The following NUP85 variants were observed in gnomAD, a reference collection of about 807,000 sequenced individuals.
NUP85 encodes the protein nucleoporin 85, also known as nuclear pore complex protein Nup85.
NUP85 carries 23 observed loss-of-function variants against 92.8 expected under a neutral mutation model. The observed-to-expected ratio is 0.25, with a 90% CI of 0.18 to 0.35. The LOEUF (loss-of-function observed/expected upper bound fraction) is 0.35, where lower values mean the gene tolerates loss of function less well. Among genes scored for constraint, NUP85 ranks in the 10% least tolerant of loss-of-function variants. The pLI is 1.00. For synonymous variants in NUP85, 314 were observed against 306.9 expected (o/e 1.02, Z -0.24); for missense variants, 759 against 822.8 (o/e 0.92, Z 0.95).
At chr17:75,229,275 G>A in intron 11 of NUP85, 1 of 551,908 alleles carries the variant, frequency 1.8e-6, no homozygotes, top group Non-Finnish European at 2.3e-6. Context: ...CCCATTTCCA[G>A]AATAGCAGGT....
chr17:75,225,350 C>CA lies in NUP85; in HGVS notation c.742dup (p.Thr248AsnfsTer19). ...GCTGGTCTCTCCCTTAGCCCGGGAA[C>CA]ACCCAGACACTGACAGAGCTGGAGC... On this transcript the variant is annotated frameshift_variant, in exon 9 of 19. Transcript: ENST00000245544. LOFTEE classifies it high-confidence loss of function. 1 of 1,614,224 alleles carries CA rather than the reference C, an allele frequency of 6.2e-7. No individual in the cohort carries two copies. The highest frequency in any genetic ancestry group is 8.5e-7 in the Non-Finnish European group (1 of 1,180,038).
At chr17:75,235,023 T>C in intron 17 of NUP85, 77 bp from the exon 18 acceptor site, 1 of 1,224,310 alleles carries the variant, frequency 8.2e-7, no homozygotes, top group East Asian at 2.3e-5. Flanking sequence ...AGGAAGAACG[T>C]CCGAACATGG....
rs2076090908 is a variant in NUP85 at position 75,232,228 on chromosome 17, C to A, written c.1396+249C>A. On this transcript the variant is annotated intron_variant, in intron 14 of 18. Transcript: ENST00000245544. ...GAAAGGCCTGAGCCGCCCCTTTTCT[C>A]ACACACTTGATTCCACGAGGTCAGG... 1.0e-5 allele frequency: 5 copies of A among 496,350 alleles called. No homozygotes were observed. The East Asian group carries it at 1.9e-4, about 19-fold the overall frequency. The allele number at this position is 496,350 out of a possible 1,614,324, so 30.7% of individuals were successfully genotyped here.
At chr17:75,217,065 A>T (rs1240305416) in intron 6 of NUP85, among the ~76,000 whole-genome samples, 1 of 150,890 alleles carries the variant, frequency 6.6e-6, no homozygotes, top group African/African-American at 2.4e-5. Context: ...TTTTGTGTGT[A>T]TATGCTGGGG....
intron 6 of NUP85, 103 bp downstream of exon 6, chr17:75,215,926 A>G (rs2075418041): frequency 2.9e-6 from 3 of 1,045,160 alleles, no homozygotes; most frequent in Admixed American, 2.0e-5. Flanking sequence ...TATTCCTGAG[A>G]ATGTTCTTTC....
Position 75,231,118 on chromosome 17 carries a change from G to A in NUP85, c.1095-222G>A, listed in dbSNP as rs926954555. 28 of 525,266 alleles carry A rather than the reference G, an allele frequency of 5.3e-5. No individual in the cohort carries two copies. Among genetic ancestry groups the A allele is most frequent in the Non-Finnish European group, 7.3e-5 (21 of 288,582 alleles). The allele number at this position is 525,266 out of a possible 1,614,324, so 32.5% of individuals were successfully genotyped here. A position where few individuals can be genotyped will look rare whatever the true frequency, so the allele number is the denominator to read the frequency against. On this transcript the variant is annotated intron_variant, in intron 11 of 18. Coordinates refer to ENST00000245544, the MANE Select transcript of NUP85 (RefSeq NM_024844.5). The surrounding 1 kb of genome is among the most constrained non-coding windows in gnomAD (Gnocchi z 4.6). The stretch of plus-strand genomic sequence containing the variant: ...GGCTAATTTTTGTATTTGTAGAGAT[G>A]GGGTTTTGCCATGTTGCCCAGGCTG...
chr17:75,225,641 T>G, intron 9 of NUP85, 57 bp from the exon 10 acceptor site: 1 of 1,605,572 alleles, frequency 6.2e-7, no homozygotes. Context: ...GCAGGAGCAT[T>G]ATGGAGAAGG....
intron 7 of NUP85, among the ~76,000 whole-genome samples, chr17:75,223,911 A>G (rs1409541087): frequency 6.6e-6 from 1 of 152,178 alleles, no homozygotes; most frequent in African/African-American, 2.4e-5. Flanking sequence ...TGACAGTTTC[A>G]GCTTGATGTG....
At chr17:75,228,891 G>T (rs1469356267) in intron 11 of NUP85, 3 of 985,308 alleles carry the variant, frequency 3.0e-6, no homozygotes, top group Non-Finnish European at 3.6e-6. Flanking sequence ...AAGGGCCAGG[G>T]GTTTGTCTCT....
chr17:75,217,856 T>C (rs139205478), intron 6 of NUP85, among the ~76,000 whole-genome samples: 30 of 152,278 alleles, frequency 2.0e-4, no homozygotes, highest in African/African-American at 7.2e-4. Flanking sequence ...TATCTAGTCA[T>C]TGTTGGTTCC....
At position 75,212,103 on chromosome 17, in the gene NUP85, TG is replaced by T. The variant is rs2075280794; in HGVS notation, c.361+42del. ...GCGTGCGCGCGTGTGTGTGTGTGTG[TG>T]TGTGTGGGTATTTTGAGTATTTATC... On this transcript the variant is annotated intron_variant, in intron 4 of 18. Coordinates refer to ENST00000245544, the MANE Select transcript of NUP85 (RefSeq NM_024844.5). The T allele has an allele frequency of 4.2e-6, 6 of 1,414,886 alleles. No homozygotes were observed. The Admixed American group carries it at 5.8e-5, about 14-fold the overall frequency. The allele number at this position is 1,414,886 out of a possible 1,614,324, so 87.6% of individuals were successfully genotyped here. A position where few individuals can be genotyped will look rare whatever the true frequency, so the allele number is the denominator to read the frequency against.
intron 18 of NUP85, 81 bp from the exon 19 acceptor site, chr17:75,235,497 C>A: frequency 2.0e-6 from 2 of 978,778 alleles, no homozygotes; most frequent in Non-Finnish European, 3.2e-6. Flanking sequence ...TGCCCTCTAC[C>A]TTTGGATTAG....
rs1282968084 is a variant in NUP85 at position 75,231,904 on chromosome 17, C to T, written c.1321C>T (p.Arg441Trp). 3.7e-6 allele frequency: 6 copies of T among 1,614,080 alleles called. No individual in the cohort carries two copies. Among genetic ancestry groups the T allele is most frequent in the Non-Finnish European group, 4.2e-6 (5 of 1,180,042 alleles). The change falls in exon 14 of 19, where the codon CGG (arginine) becomes TGG (tryptophan). Residue 441 changes from arginine (R) to tryptophan (W), a missense_variant. Transcript: ENST00000245544. The surrounding 1 kb of genome is among the most constrained non-coding windows in gnomAD (Gnocchi z 4.6). ...GRVSLELHIERIPLNTEQKAL... is the reference protein window; with the variant it reads ...GRVSLELHIEWIPLNTEQKAL... ...AGTCTCCCTGGAGCTGCACATTGAGCGGATACCTCTGAACACCGAGCAGAA... is the reference window on the plus strand; with the variant it reads ...AGTCTCCCTGGAGCTGCACATTGAGTGGATACCTCTGAACACCGAGCAGAA...
chr17:75,207,479 C>G (rs1252063805), intron 1 of NUP85, among the ~76,000 whole-genome samples: 1 of 150,548 alleles, frequency 6.6e-6, no homozygotes, highest in African/African-American at 2.4e-5. Flanking sequence ...GCCACTGCGC[C>G]TGGCCTCATT....
At chr17:75,229,718 C>T (rs2075968682) in intron 11 of NUP85, among the ~76,000 whole-genome samples, 1 of 152,204 alleles carries the variant, frequency 6.6e-6, no homozygotes, top group South Asian at 2.1e-4. Context: ...TGTTAGTTCT[C>T]TGCTCTCAGT....
At chr17:75,228,765 G>A in intron 11 of NUP85, 1 of 985,422 alleles carries the variant, frequency 1.0e-6, no homozygotes, top group Non-Finnish European at 1.2e-6. Flanking sequence ...GGAGAAGGGA[G>A]GTTTCTAAGT....
rs777900848 is a variant in NUP85, at chr17:75,235,499, T to C, written c.1870-79T>C. 1.1e-5 allele frequency: 11 copies of C among 985,628 alleles called. No homozygotes were observed. The East Asian group carries it at 1.5e-4, about 13-fold the overall frequency. 61.1% of individuals were successfully genotyped at this position (985,628 alleles called of 1,614,324 possible). A position where few individuals can be genotyped will look rare whatever the true frequency, so the allele number is the denominator to read the frequency against. On this transcript the variant is annotated intron_variant, in intron 18 of 18. Coordinates refer to ENST00000245544, the MANE Select transcript of NUP85 (RefSeq NM_024844.5). Reference sequence around the variant, plus strand: ...TATGAATGTTAAGTGCCCTCTACCTTTGGATTAGCTAGACCCTTCGGGAGT... The same window carrying C: ...TATGAATGTTAAGTGCCCTCTACCTCTGGATTAGCTAGACCCTTCGGGAGT...
At chr17:75,222,192 G>A (rs946424085) in intron 7 of NUP85, among the ~76,000 whole-genome samples, 6 of 152,016 alleles carry the variant, frequency 3.9e-5, no homozygotes, top group African/African-American at 1.2e-4. Context: ...CTACAAAGGC[G>A]TGCCACCATG....
rs747814899 is a variant in NUP85 at position 75,233,046 on chromosome 17, C to T, written c.1515-12C>T. On this transcript the variant is annotated splice_polypyrimidine_tract_variant and intron_variant, in intron 15 of 18. Transcript: ENST00000245544. ...GAGACTGCTGCTCTGATCTCTGGGC[C>T]GGGCCCTGCAGGTTCCTCAGGGATT... 45 of 1,613,714 alleles carry T rather than the reference C, an allele frequency of 2.8e-5. 1 individual carries two copies. The highest frequency in any genetic ancestry group is 8.8e-5 in the South Asian group (8 of 91,076).
Sources: allele counts gnomAD v4.1 joint callset (sites outside exome capture counted in the v4.1 genomes callset), GRCh38; gene constraint gnomAD v4.1.1; non-coding constraint Gnocchi (gnomAD v3.1); transcripts MANE v1.5; gene names NCBI Gene and HGNC (gene_info 2026-07-23, HGNC 2026-07-21).